The following NEGR1 variants were observed in gnomAD, a reference collection of about 807,000 sequenced individuals.
NEGR1 encodes the protein neuronal growth regulator 1.
NEGR1 carries 10 observed loss-of-function variants against 40.9 expected under a neutral mutation model. The observed-to-expected ratio is 0.24, with a 90% confidence interval of 0.15 to 0.42. The LOEUF (loss-of-function observed/expected upper bound fraction) is 0.42. NEGR1 is among the 10% of genes least tolerant of loss of function. NEGR1 has a pLI of 1.00. For missense variants in NEGR1, 352 were observed against 438.9 expected (o/e 0.80, Z 1.77); for synonymous variants, 185 against 166.8 (o/e 1.11, Z -0.84).
intron 3 of NEGR1, among the ~76,000 whole-genome samples, chr1:71,705,056 T>C (rs1025474786): frequency 4.2e-5 from 6 of 142,836 alleles, no homozygotes; most frequent in Admixed American, 2.9e-4. Flanking sequence ...ATTCAGCATT[T>C]ATTCAATATT....
intron 1 of NEGR1, among the ~76,000 whole-genome samples, chr1:72,101,967 T>C (rs1009888136): frequency 6.6e-6 from 1 of 152,142 alleles, no homozygotes; most frequent in African/African-American, 2.4e-5. Context: ...TGTTTTAATA[T>C]CTGTCTATCC....
chr1:71,811,882 A>G (rs1658014615), intron 2 of NEGR1, among the ~76,000 whole-genome samples: 1 of 149,672 alleles, frequency 6.7e-6, no homozygotes, highest in Non-Finnish European at 1.5e-5. Flanking sequence ...ATTTTATTTT[A>G]TTTTATTTTA....
At chr1:72,173,536 C>T (rs1222857476) in intron 1 of NEGR1, among the ~76,000 whole-genome samples, 1 of 151,816 alleles carries the variant, frequency 6.6e-6, no homozygotes, top group African/African-American at 2.4e-5. Flanking sequence ...TTTCCCTCCT[C>T]ACTTTTTAAG....
chr1:71,950,818 C>G (rs1358221280), intron 1 of NEGR1, among the ~76,000 whole-genome samples: 1 of 151,942 alleles, frequency 6.6e-6, no homozygotes, highest in East Asian at 1.9e-4. Flanking sequence ...CTCCTTAGGT[C>G]CTTAATTCCT....
At chr1:72,046,208 G>A (rs1455404008) in intron 1 of NEGR1, among the ~76,000 whole-genome samples, 1 of 151,562 alleles carries the variant, frequency 6.6e-6, no homozygotes, top group African/African-American at 2.4e-5. Flanking sequence ...TGCAAAAAAA[G>A]GTAAAGTTTG....
intron 1 of NEGR1, among the ~76,000 whole-genome samples, chr1:72,153,760 A>T (rs1225088018): frequency 6.6e-6 from 1 of 151,942 alleles, no homozygotes; most frequent in Admixed American, 6.6e-5. Flanking sequence ...TTAAAAGATA[A>T]GTGGAAAAGA....
intron 3 of NEGR1, among the ~76,000 whole-genome samples, chr1:71,770,280 G>T (rs1017142518): frequency 6.6e-6 from 1 of 152,016 alleles, no homozygotes; most frequent in Non-Finnish European, 1.5e-5. Flanking sequence ...TACTAGTTCT[G>T]GTGCTCTTTG....
At chr1:71,813,316 G>A (rs868448718) in intron 2 of NEGR1, among the ~76,000 whole-genome samples, 13 of 152,054 alleles carry the variant, frequency 8.5e-5, no homozygotes, top group Admixed American at 2.6e-4. Context: ...CCAGTACCAC[G>A]CTGTTTTGGT....
At chr1:71,718,656 TTTA>T (rs1250748607) in intron 3 of NEGR1, among the ~76,000 whole-genome samples, 2 of 152,218 alleles carry the variant, frequency 1.3e-5, no homozygotes, top group Non-Finnish European at 2.9e-5. Context: ...TAAATATGTT[TTTA>T]TTATTTATCC....
intron 2 of NEGR1, among the ~76,000 whole-genome samples, chr1:71,799,083 T>G (rs1323541118): frequency 6.6e-6 from 1 of 151,868 alleles, no homozygotes; most frequent in East Asian, 1.9e-4. Flanking sequence ...CTGGGATACA[T>G]GTGCAGAACA....
intron 1 of NEGR1, among the ~76,000 whole-genome samples, chr1:72,170,027 T>C (rs983368883): frequency 1.3e-5 from 2 of 152,164 alleles, no homozygotes; most frequent in African/African-American, 2.4e-5. Flanking sequence ...CAGTACTATA[T>C]ATTATTTCAA....
intron 1 of NEGR1, among the ~76,000 whole-genome samples, chr1:72,086,700 T>C (rs552841168): frequency 1.3e-5 from 2 of 152,346 alleles, no homozygotes; most frequent in East Asian, 3.9e-4. Context: ...TGATCTGATA[T>C]TTCTTGCATC....
At chr1:71,675,673 G>A (rs1236271918) in intron 4 of NEGR1, among the ~76,000 whole-genome samples, 1 of 152,042 alleles carries the variant, frequency 6.6e-6, no homozygotes, top group Non-Finnish European at 1.5e-5. Context: ...AAACTGACGT[G>A]TACTACTAAG....
chr1:71,941,933 AC>A (rs1645963110), intron 1 of NEGR1, among the ~76,000 whole-genome samples: 1 of 152,004 alleles, frequency 6.6e-6, no homozygotes, highest in Admixed American at 6.6e-5. Flanking sequence ...TTGCTTATTA[AC>A]ATTTGTATTA....
intron 6 of NEGR1, among the ~76,000 whole-genome samples, chr1:71,585,479 A>G (rs1209363549): frequency 6.6e-6 from 1 of 152,026 alleles, no homozygotes; most frequent in Non-Finnish European, 1.5e-5. Flanking sequence ...TGTTTTTGGT[A>G]CCTAATCCTC....
chr1:71,909,843 A>C (rs1661375694), intron 2 of NEGR1, among the ~76,000 whole-genome samples: 1 of 152,240 alleles, frequency 6.6e-6, no homozygotes, highest in Non-Finnish European at 1.5e-5. Flanking sequence ...ATTAACCACA[A>C]AAGATAGCAA....
At chr1:72,053,993 T>C (rs1401501301) in intron 1 of NEGR1, among the ~76,000 whole-genome samples, 1 of 151,134 alleles carries the variant, frequency 6.6e-6, no homozygotes, top group Non-Finnish European at 1.5e-5. Flanking sequence ...TTCAAGCAAT[T>C]AGAAGAGAAT....
chr1:71,567,241 A>C (rs928158871), intron 6 of NEGR1, among the ~76,000 whole-genome samples: 13 of 152,112 alleles, frequency 8.5e-5, no homozygotes, highest in Non-Finnish European at 1.9e-4. Context: ...CATATTCCAA[A>C]AACTATCTGC....
chr1:71,763,091 A>C (rs1256792840), intron 3 of NEGR1, among the ~76,000 whole-genome samples: 1 of 152,190 alleles, frequency 6.6e-6, no homozygotes, highest in Non-Finnish European at 1.5e-5. Context: ...TAATACAAGA[A>C]AGATCTTTGT....
Sources: gnomAD v4.1 joint callset for allele counts (sites outside exome capture counted in the v4.1 genomes callset) on GRCh38, gnomAD v4.1.1 for gene constraint, MANE v1.5 for transcripts, NCBI Gene and HGNC (gene_info 2026-07-23, HGNC 2026-07-21) for gene names.